Variants in PRKD3 observed in about 807,000 individuals in gnomAD.
PRKD3 encodes the protein protein kinase D3.
A neutral mutation model predicts 99.2 loss-of-function variants in PRKD3; 47 were observed. The ratio of observed to expected loss-of-function variants is 0.47; its 90% CI spans 0.38 to 0.60. The LOEUF (loss-of-function observed/expected upper bound fraction) is 0.60. PRKD3 is among the 20% of genes least tolerant of loss of function. The pLI is 0.00. For synonymous variants in PRKD3, 392 were observed against 355.4 expected, an observed-to-expected ratio of 1.10 and a Z score of -1.16; for missense variants, 1,019 against 1,088.4, an observed-to-expected ratio of 0.94 and a Z score of 0.90.
Position 37,278,002 on chromosome 2 carries a change from T to G in PRKD3, c.1173-13A>C, listed in dbSNP as rs772800208. 2.5e-6 allele frequency: 4 copies of G among 1,587,922 alleles called. No individual in the cohort carries two copies. The highest frequency in any genetic ancestry group is 3.4e-6 in the Non-Finnish European group (4 of 1,162,978). Reference sequence around the variant, plus strand: ...GCTTGTTGATGGACTAAAAAATATTTAAAATTTGTAAGTTTGTGTAGATTT... The same window carrying G: ...GCTTGTTGATGGACTAAAAAATATTGAAAATTTGTAAGTTTGTGTAGATTT... On this transcript the variant is annotated splice_polypyrimidine_tract_variant and intron_variant, in intron 8 of 18. Coordinates refer to ENST00000234179, the MANE Select transcript of PRKD3 (RefSeq NM_005813.6).
chr2:37,267,586 T>A, intron 13 of PRKD3, 50 bp from the exon 14 acceptor site: 1 of 1,324,994 alleles, frequency 7.5e-7, no homozygotes, highest in East Asian at 2.3e-5. Flanking sequence ...GACAGCTTTA[T>A]TAGGGAGTTG....
chr2:37,324,652 G>C (rs1026574699), intron 1 of PRKD3, 29 bp downstream of exon 1: 3 of 151,330 alleles, frequency 2.0e-5, no homozygotes, highest in African/African-American at 7.3e-5. Context: ...TTCGGTGTCT[G>C]TTCAGCGCTC....
chr2:37,297,603 T>C (rs926788687), intron 2 of PRKD3, among the ~76,000 whole-genome samples: 1 of 152,224 alleles, frequency 6.6e-6, no homozygotes, highest in Middle Eastern at 3.2e-3. Context: ...TATGTCCCCA[T>C]AGGCCCCTTT....
rs770033267 is a variant in PRKD3, at chr2:37,259,693, A to G, written c.2047-12T>C. 1.3e-6 allele frequency: 2 copies of G among 1,581,250 alleles called. No individual in the cohort carries two copies. The highest frequency in any genetic ancestry group is 1.7e-6 in the Non-Finnish European group (2 of 1,153,118). ...AAAGCAACAAGTATCTGTTATGAAA[A>G]AAGATTTTCTTTTCAATGTCTGGAA... On this transcript the variant is annotated splice_polypyrimidine_tract_variant and intron_variant, in intron 15 of 18. Transcript: ENST00000234179.
intron 14 of PRKD3, 73 bp from the exon 15 acceptor site, chr2:37,260,457 G>T: frequency 7.4e-7 from 1 of 1,345,634 alleles, no homozygotes; most frequent in Non-Finnish European, 1.0e-6. Context: ...GATGTGCTAT[G>T]ATTGTCTGAA....
At chr2:37,257,164 A>C (rs1668018704) in intron 16 of PRKD3, among the ~76,000 whole-genome samples, 1 of 152,096 alleles carries the variant, frequency 6.6e-6, no homozygotes, top group African/African-American at 2.4e-5. Context: ...CATATTTCAA[A>C]AGTTCTAGCT....
intron 9 of PRKD3, among the ~76,000 whole-genome samples, chr2:37,277,277 A>G (rs1382104399): frequency 6.6e-6 from 1 of 152,174 alleles, no homozygotes; most frequent in East Asian, 1.9e-4. Flanking sequence ...AATTTTACAC[A>G]AGGAAACAAA....
chr2:37,256,617 A>T, intron 17 of PRKD3, 45 bp downstream of exon 17: 1 of 1,469,620 alleles, frequency 6.8e-7, no homozygotes, highest in Non-Finnish European at 8.9e-7. Flanking sequence ...GGCTTAAAAC[A>T]CATAGCCAAA....
chr2:37,260,834 T>A (rs572998456), intron 14 of PRKD3, among the ~76,000 whole-genome samples: 1 of 152,346 alleles, frequency 6.6e-6, no homozygotes, highest in South Asian at 2.1e-4. Flanking sequence ...TTGATTCTTA[T>A]AATATTATAA....
At chr2:37,311,477 T>C (rs947289349) in intron 2 of PRKD3, among the ~76,000 whole-genome samples, 1 of 152,138 alleles carries the variant, frequency 6.6e-6, no homozygotes, top group African/African-American at 2.4e-5. Flanking sequence ...TAAATATTTG[T>C]TCAACTGAAG....
At chr2:37,293,083 T>C (rs1206850640) in intron 3 of PRKD3, 50 bp downstream of exon 3, 7 of 1,483,904 alleles carry the variant, frequency 4.7e-6, no homozygotes, top group Non-Finnish European at 6.4e-6. Flanking sequence ...TACAGAAAAT[T>C]AGGCTCTTTG....
At chr2:37,264,426 G>A (rs528143454) in intron 14 of PRKD3, among the ~76,000 whole-genome samples, 14 of 150,968 alleles carry the variant, frequency 9.3e-5, no homozygotes, top group Non-Finnish European at 1.5e-4. Flanking sequence ...TTGCAGCAAG[G>A]TGAGACAGAC....
At chr2:37,262,375 T>C (rs529856255) in intron 14 of PRKD3, among the ~76,000 whole-genome samples, 1 of 152,356 alleles carries the variant, frequency 6.6e-6, no homozygotes, top group Non-Finnish European at 1.5e-5. Context: ...ATTGTTTCAG[T>C]TATTTTAGCT....
At chr2:37,295,992 A>T (rs561867221) in intron 2 of PRKD3, among the ~76,000 whole-genome samples, 1 of 152,262 alleles carries the variant, frequency 6.6e-6, no homozygotes, top group African/African-American at 2.4e-5. Context: ...CTCTCCAGAA[A>T]CTACAGCAAG....
At chr2:37,269,857 G>GT (rs1263894208) in intron 12 of PRKD3, among the ~76,000 whole-genome samples, 170 bp from the exon 13 acceptor site, 4 of 152,188 alleles carry the variant, frequency 2.6e-5, no homozygotes, top group African/African-American at 9.7e-5. Flanking sequence ...TCTAATAAGA[G>GT]GTTAAGCCCA....
chr2:37,264,070 C>G (rs72863139), intron 14 of PRKD3, among the ~76,000 whole-genome samples: 5,210 of 152,252 alleles, frequency 0.034, 305 homozygotes, highest in African/African-American at 0.12. Flanking sequence ...AAACATTTTA[C>G]ATTACCACAT....
At chr2:37,310,826 TG>T (rs1368218710) in intron 2 of PRKD3, among the ~76,000 whole-genome samples, 3 of 152,208 alleles carry the variant, frequency 2.0e-5, no homozygotes, top group East Asian at 3.8e-4. Context: ...GATCAGAGAT[TG>T]ATCAGCATTA....
chr2:37,269,585 T>C (rs1226768787), intron 13 of PRKD3, 30 bp downstream of exon 13: 2 of 1,570,954 alleles, frequency 1.3e-6, no homozygotes, highest in East Asian at 4.5e-5. Flanking sequence ...AAATAATGTG[T>C]ACAATATGCA....
In PRKD3 at chr2:37,278,024, A is replaced by G; in HGVS notation, c.1173-35T>C. 3 of 1,557,474 alleles carry G rather than the reference A, an allele frequency of 1.9e-6. No homozygotes were observed. In the South Asian group the frequency reaches 3.5e-5, roughly 18 times the overall value. On this transcript the variant is annotated intron_variant, in intron 8 of 18. Coordinates refer to ENST00000234179, the MANE Select transcript of PRKD3 (RefSeq NM_005813.6). ...ATTTAAAATTTGTAAGTTTGTGTAG[A>G]TTTTTAAAAAATCATATAAATACTG...
Sources: allele counts gnomAD v4.1 joint callset (sites outside exome capture counted in the v4.1 genomes callset), GRCh38; gene constraint gnomAD v4.1.1; transcripts MANE v1.5; gene names NCBI Gene and HGNC (gene_info 2026-07-23, HGNC 2026-07-21).